Variants in ERBB4 observed in about 807,000 individuals in gnomAD.
ERBB4 encodes erb-b2 receptor tyrosine kinase 4, also known as receptor tyrosine-protein kinase erbB-4.
ERBB4 carries 42 observed loss-of-function variants against 158.0 expected under a neutral mutation model. The observed-to-expected ratio is 0.27, with a 90% CI of 0.21 to 0.34. The LOEUF (loss-of-function observed/expected upper bound fraction) is 0.34, where lower values mean the gene tolerates loss of function less well. ERBB4 is among the 10% of genes least tolerant of loss of function. ERBB4 has a pLI of 1.00. For synonymous variants in ERBB4, 583 were observed against 558.7 expected, an observed-to-expected ratio of 1.04 and a Z score of -0.61; for missense variants, 1,333 against 1,624.1, an observed-to-expected ratio of 0.82 and a Z score of 3.08.
intron 20 of ERBB4, among the ~76,000 whole-genome samples, chr2:211,465,626 T>A (rs970239576): frequency 6.6e-5 from 10 of 152,170 alleles, no homozygotes; most frequent in Admixed American, 6.5e-4. Context: ...AAAAAGGGCC[T>A]CAAATAGAGT....
Position 211,380,916 on chromosome 2 carries a change from C to A in ERBB4, c.*2699G>T. On this transcript the variant is annotated 3_prime_UTR_variant, in exon 28 of 28. Coordinates refer to ENST00000342788, the MANE Select transcript of ERBB4 (RefSeq NM_005235.3). ...AATGAGTGATTCTGCTTTCTATAGC[C>A]CAGTAGAAACCATATGCATATTGTA... is the stretch of plus-strand genomic sequence containing the variant. 4.3e-6 allele frequency: 1 copy of A among 231,494 alleles called. No homozygotes were observed. Among genetic ancestry groups the A allele is most frequent in the Non-Finnish European group, 8.5e-6 (1 of 117,288 alleles). 14.3% of individuals were successfully genotyped at this position (231,494 alleles called of 1,614,324 possible).
At chr2:212,138,681 C>T (rs1051215560) in intron 1 of ERBB4, among the ~76,000 whole-genome samples, 1 of 152,138 alleles carries the variant, frequency 6.6e-6, no homozygotes, top group African/African-American at 2.4e-5. Context: ...ATGTTTTATT[C>T]AGTTAGCCAG....
chr2:211,393,269 G>A (rs1312977405), intron 25 of ERBB4, among the ~76,000 whole-genome samples: 1 of 151,958 alleles, frequency 6.6e-6, no homozygotes, highest in Non-Finnish European at 1.5e-5. Flanking sequence ...CCTATACCAT[G>A]GACTATTTTA....
At chr2:211,933,575 A>T (rs2080234126) in intron 3 of ERBB4, among the ~76,000 whole-genome samples, 1 of 152,074 alleles carries the variant, frequency 6.6e-6, no homozygotes, top group Non-Finnish European at 1.5e-5. Context: ...ATACCTAAAC[A>T]TATATAGATT....
intron 1 of ERBB4, among the ~76,000 whole-genome samples, chr2:212,434,999 C>T (rs2092106474): frequency 6.6e-6 from 1 of 151,998 alleles, no homozygotes; most frequent in South Asian, 2.1e-4. Context: ...CTTTTTTCTA[C>T]TTACAAGCAT....
intron 13 of ERBB4, among the ~76,000 whole-genome samples, chr2:211,678,303 A>ACCAAC (rs145479396): frequency 1.9e-4 from 20 of 108,034 alleles, no homozygotes; most frequent in African/African-American, 6.1e-4. Context: ...AAACAAACAA[A>ACCAAC]AAAAAACAAA....
Position 211,704,160 on chromosome 2 carries a change from C to T in ERBB4, c.1233G>A (p.Met411Ile), listed in dbSNP as rs2106045811. Residue 411 changes from methionine (M) to isoleucine (I), a missense_variant, in exon 11 of 28, where the codon ATG becomes ATA. Met to Ile is a conservative substitution (Grantham distance 10). Around this residue, in one of 5 missense-constraint regions of ERBB4, gnomAD observed 438 missense variants for 586.9 expected, o/e 0.75. Transcript: ENST00000342788. Reference sequence around the variant, plus strand: ...GGTTAGAAAAAACACTGAAGTCAGTCATGTTTGGTGGCCATGACTGTATGT... The same window carrying T: ...GGTTAGAAAAAACACTGAAGTCAGTTATGTTTGGTGGCCATGACTGTATGT... ...FLNIQSWPPNMTDFSVFSNLV... is the reference protein window; with the variant it reads ...FLNIQSWPPNITDFSVFSNLV... The T allele has an allele frequency of 6.2e-7, 1 of 1,613,014 alleles. No homozygotes were observed. Among genetic ancestry groups the T allele is most frequent in the Non-Finnish European group, 8.5e-7 (1 of 1,179,032 alleles).
At chr2:212,303,990 G>T (rs2086716605) in intron 1 of ERBB4, among the ~76,000 whole-genome samples, 1 of 151,494 alleles carries the variant, frequency 6.6e-6, no homozygotes, top group African/African-American at 2.4e-5. Context: ...TCAAGAAGTA[G>T]AAAATATACT....
chr2:211,453,621 A>G (rs901661876), intron 20 of ERBB4, among the ~76,000 whole-genome samples: 1 of 152,206 alleles, frequency 6.6e-6, no homozygotes, highest in African/African-American at 2.4e-5. Context: ...TCATAGCATT[A>G]GAGTGCTTTG....
chr2:211,750,835 A>T, intron 4 of ERBB4, 131 bp from the exon 5 acceptor site: 1 of 814,520 alleles, frequency 1.2e-6, no homozygotes, highest in Admixed American at 2.0e-5. Flanking sequence ...GCTGAAACAT[A>T]GCCCATAAAA....
intron 1 of ERBB4, among the ~76,000 whole-genome samples, chr2:212,218,498 C>A (rs1225282987): frequency 6.6e-6 from 1 of 151,278 alleles, no homozygotes. Flanking sequence ...AAATAGAGGG[C>A]AAAGCCAGGC....
chr2:212,484,528 T>C (rs1277101795), intron 1 of ERBB4, among the ~76,000 whole-genome samples: 1 of 152,266 alleles, frequency 6.6e-6, no homozygotes, highest in East Asian at 1.9e-4. Flanking sequence ...ACTCAAATTC[T>C]CTTTTCTGAT....
intron 1 of ERBB4, among the ~76,000 whole-genome samples, chr2:212,248,902 A>G (rs1285375970): frequency 6.6e-6 from 1 of 152,074 alleles, no homozygotes; most frequent in Non-Finnish European, 1.5e-5. Flanking sequence ...CCACCTATTA[A>G]ATACATTTCT....
chr2:212,057,440 T>C (rs2077615173), intron 2 of ERBB4, among the ~76,000 whole-genome samples: 1 of 152,184 alleles, frequency 6.6e-6, no homozygotes, highest in Non-Finnish European at 1.5e-5. Flanking sequence ...CTAGTAGGCA[T>C]CTACAGAACT....
intron 3 of ERBB4, among the ~76,000 whole-genome samples, chr2:211,904,800 C>T (rs564682197): frequency 6.6e-6 from 1 of 152,178 alleles, no homozygotes; most frequent in Non-Finnish European, 1.5e-5. Context: ...TACCTTCACT[C>T]ACTAGTATAT....
chr2:211,529,064 G>A (rs1337645936), intron 20 of ERBB4, among the ~76,000 whole-genome samples: 3 of 150,746 alleles, frequency 2.0e-5, no homozygotes, highest in Non-Finnish European at 4.4e-5. Context: ...CAAAAAGTTG[G>A]GTTTTTTTGA....
chr2:212,404,689 T>C (rs1174551803), intron 1 of ERBB4, among the ~76,000 whole-genome samples: 3 of 151,972 alleles, frequency 2.0e-5, no homozygotes, highest in Non-Finnish European at 4.4e-5. Flanking sequence ...CATGTGAAGG[T>C]TTGTTACATA....
In ERBB4 at chr2:211,712,313, A is replaced by T. The variant is rs951535421; in HGVS notation, c.998-137T>A. 3 of 864,880 alleles carry T rather than the reference A, an allele frequency of 3.5e-6. No individual in the cohort carries two copies. The Admixed American group carries it at 7.4e-5, about 21-fold the overall frequency. The allele number at this position is 864,880 out of a possible 1,614,324, so 53.6% of individuals were successfully genotyped here. ...ATATTACAAATTTTGTTTTCTAAAA[A>T]GTAAAATAATTATTCATTCGTTCAA... is the stretch of plus-strand genomic sequence containing the variant. On this transcript the variant is annotated intron_variant, in intron 8 of 27. Coordinates refer to ENST00000342788, the MANE Select transcript of ERBB4 (RefSeq NM_005235.3).
At chr2:212,134,840 T>G (rs988519607) in intron 1 of ERBB4, among the ~76,000 whole-genome samples, 6 of 151,956 alleles carry the variant, frequency 3.9e-5, no homozygotes, top group Non-Finnish European at 5.9e-5. Flanking sequence ...CCCGCCACCA[T>G]GCCTGGCTAA....
Sources: gnomAD v4.1 joint callset for allele counts (sites outside exome capture counted in the v4.1 genomes callset) on GRCh38, gnomAD v4.1.1 for gene constraint, gnomAD v4.1.1 regional missense constraint, MANE v1.5 for transcripts, NCBI Gene and HGNC (gene_info 2026-07-23, HGNC 2026-07-21) for gene names.